The following CDHR5 variants were observed in gnomAD, a reference collection of about 807,000 sequenced individuals.
CDHR5 encodes the protein cadherin related family member 5.
A neutral mutation model predicts 69.5 loss-of-function variants in CDHR5; 82 were observed. That is an observed-to-expected ratio of 1.18 (90% CI 0.99 to 1.42). The LOEUF is 1.42. Ranked by LOEUF, CDHR5 falls within the 40% of genes most tolerant of loss-of-function variation. The pLI is 0.00. For synonymous variants in CDHR5, 601 were observed against 510.2 expected, an observed-to-expected ratio of 1.18 and a Z score of -2.40; for missense variants, 1,293 against 1,168.9, an observed-to-expected ratio of 1.11 and a Z score of -1.55.
intron 7 of CDHR5, 101 bp downstream of exon 7, chr11:620,979 C>A: frequency 1.3e-6 from 1 of 792,076 alleles, no homozygotes; most frequent in Non-Finnish European, 1.9e-6. Flanking sequence ...GGCCCCACCC[C>A]CTGACCCCGA....
chr11:617,867 C>T (rs1857059189), intron 14 of CDHR5, 87 bp downstream of exon 14: 6 of 1,519,562 alleles, frequency 3.9e-6, no homozygotes, highest in East Asian at 2.3e-5. Flanking sequence ...TCCGTCTCCA[C>T]ATCTGTCCCT....
intron 13 of CDHR5, 74 bp downstream of exon 13, chr11:618,525 G>T: frequency 6.4e-7 from 1 of 1,551,132 alleles, no homozygotes; most frequent in Non-Finnish European, 8.8e-7. Flanking sequence ...GCCTGGGGTG[G>T]ACCCTTCCTA....
chr11:617,881 C>A, intron 14 of CDHR5, 73 bp downstream of exon 14: 3 of 1,539,698 alleles, frequency 1.9e-6, no homozygotes, highest in Non-Finnish European at 2.6e-6. Flanking sequence ...TGTCCCTCTG[C>A]CCTCCCCTCT....
In CDHR5 at chr11:619,814, C is replaced by CCGGCCG; in HGVS notation, c.1040_1045dup (p.Ala347_Ala348dup). 6.3e-7 allele frequency: 1 copy of CCGGCCG among 1,582,074 alleles called. No individual in the cohort carries two copies. The highest frequency in any genetic ancestry group is 8.6e-7 in the Non-Finnish European group (1 of 1,167,800). ...TCTCTGGGGGAAGCGGGGCGGGCTCCCGGCCGCAGCCACAGCCTCCACGGT... is the reference window on the plus strand; with the variant it reads ...TCTCTGGGGGAAGCGGGGCGGGCTCCCGGCCGCGGCCGCAGCCACAGCCTCCACGGT... On this transcript the variant is annotated inframe_insertion, in exon 10 of 15. Coordinates refer to ENST00000397542, the MANE Select transcript of CDHR5 (RefSeq NM_021924.5).
intron 14 of CDHR5, 64 bp from the exon 15 acceptor site, chr11:617,834 C>G (rs1210382116): frequency 5.4e-6 from 8 of 1,474,958 alleles, no homozygotes; most frequent in Non-Finnish European, 7.2e-6. Context: ...CCCTGCACAC[C>G]CTCATTCCAC....
chr11:619,682 G>T lies in CDHR5; in HGVS notation c.1178C>A (p.Ser393Ter), dbSNP rs548971527. The change falls in exon 10 of 15, where the codon TCG becomes TAG. Residue 393 changes from serine to a stop codon, truncating the protein, a stop_gained and splice_region_variant. Coordinates refer to ENST00000397542, the MANE Select transcript of CDHR5 (RefSeq NM_021924.5). LOFTEE classifies it high-confidence loss of function. ...LRIQAQDPEFSDLNSAITYRI... is the reference protein window; with the variant it reads ...LRIQAQDPEF ...GGAGGCCTTGGATGCACTCTCTACC[G>T]AGAACTCCGGGTCCTGAGCCTGGAT... 15 of 1,613,134 alleles carry T rather than the reference G, an allele frequency of 9.3e-6. No homozygotes were observed. Among genetic ancestry groups the T allele is most frequent in the Non-Finnish European group, 1.3e-5 (15 of 1,179,904 alleles).
chr11:617,372 A>C lies in CDHR5; in HGVS notation c.2517T>G (p.Gly839=). The C allele has an allele frequency of 1.2e-6, 2 of 1,608,208 alleles. No individual in the cohort carries two copies. The highest frequency in any genetic ancestry group is 1.7e-4 in the Middle Eastern group (1 of 6,016). The part of the protein sequence containing the change: ...GRGGGPYDAP[G]GDDSYI ...CCACTTAGATGTAGGAGTCATCACC[A>C]CCGGGCGCATCGTAGGGACCCCCAC... is the stretch of plus-strand genomic sequence containing the variant. Residue 839 remains glycine (G), a synonymous_variant, in exon 15 of 15, where the codon GGT becomes GGG. Transcript: ENST00000397542.
rs1857610533 is a variant in CDHR5 at position 624,587 on chromosome 11, C to T, written c.231G>A (p.Gln77=). Residue 77 remains glutamine, a synonymous_variant, in exon 2 of 15, where the codon CAG becomes CAA. Transcript: ENST00000397542. This position sits in a 1 kb window ranked among gnomAD's most constrained non-coding sequence, Gnocchi z 5.3. Reference sequence around the variant, plus strand: ...AATCAGGAGTCACGTTGAGAAACAGCTGGTTTCCCTGGATCCGAAATGCAA... The same window carrying T: ...AATCAGGAGTCACGTTGAGAAACAGTTGGTTTCCCTGGATCCGAAATGCAA... The part of the protein sequence containing the change: ...TPFAFRIQGN[Q]LFLNVTPDYE... 2.5e-6 allele frequency: 4 copies of T among 1,608,838 alleles called. 1 individual carries two copies. The South Asian group carries it at 4.4e-5, about 18-fold the overall frequency.
Position 617,391 on chromosome 11 carries a change from C to G in CDHR5, c.2498G>C (p.Gly833Ala). Residue 833 changes from glycine (G) to alanine (A), a missense_variant, in exon 15 of 15, where the codon GGT (glycine) becomes GCT (alanine). Physicochemically the swap from Gly to Ala is moderately conservative, Grantham distance 60. Transcript: ENST00000397542. ...ATCACCACCGGGCGCATCGTAGGGA[C>G]CCCCACCCCTCCCCGCGCCCTCGCC... ...DEGEGAGRGG[G>A]PYDAPGGDDS... is the part of the protein sequence containing the mutation. 6.2e-7 allele frequency: 1 copy of G among 1,610,334 alleles called. No individual in the cohort carries two copies. The highest frequency in any genetic ancestry group is 1.1e-5 in the South Asian group (1 of 90,938).
At position 617,938 on chromosome 11, in the gene CDHR5, C is replaced by G. The variant is rs1290224437; in HGVS notation, c.2118+16G>C. 1.9e-6 allele frequency: 3 copies of G among 1,608,366 alleles called. No homozygotes were observed. ...CCTGCCTGGTCGCCTGCCCTGTTCT[C>G]CATCCTGGGCCTCACCGGAGCTTTG... On this transcript the variant is annotated intron_variant, in intron 14 of 14. Transcript: ENST00000397542.
Position 619,800 on chromosome 11 carries a change from A to G in CDHR5, c.1060T>C (p.Phe354Leu), listed in dbSNP as rs770626719. Residue 354 changes from phenylalanine (F) to leucine (L), a missense_variant, in exon 10 of 15, where the codon TTC becomes CTC. By Grantham distance (22) the Phe-to-Leu change is conservative. Coordinates refer to ENST00000397542, the MANE Select transcript of CDHR5 (RefSeq NM_021924.5). ...GTGCCACGATACAGTCTCTGGGGGA[A>G]GCGGGGCGGGCTCCCGGCCGCAGCC... ...AVAAAGSPPR[F>L]PQRLYRGTVA... 3 of 1,601,638 alleles carry G rather than the reference A, an allele frequency of 1.9e-6. No individual in the cohort carries two copies. The highest frequency in any genetic ancestry group is 2.5e-6 in the Non-Finnish European group (3 of 1,176,762).
In CDHR5 at chr11:624,775, G is replaced by A; in HGVS notation, c.85+43C>T. The A allele has an allele frequency of 6.2e-7, 1 of 1,603,888 alleles. No individual in the cohort carries two copies. The highest frequency in any genetic ancestry group is 1.3e-5 in the African/African-American group (1 of 74,688). On this transcript the variant is annotated intron_variant, in intron 1 of 14. Transcript: ENST00000397542. The surrounding 1 kb of genome is among the most constrained non-coding windows in gnomAD (Gnocchi z 5.3). ...AGGGATCAGTGCCTCCCAGCCCCTG[G>A]CTCCCCGCCGCCCGTGCCCCACCTA...
In CDHR5 at chr11:619,859, C is replaced by G. The variant is rs572219976; in HGVS notation, c.1001G>C (p.Arg334Pro). The change falls in exon 10 of 15, where the codon CGC becomes CCC. Residue 334 changes from arginine to proline, a missense_variant. By Grantham distance (103) the Arg-to-Pro change is moderately radical. Coordinates refer to ENST00000397542, the MANE Select transcript of CDHR5 (RefSeq NM_021924.5). ...LVKGQQADLA[R>P]YSVTQVTVEA... ...CACGGTGACCTGGGTCACTGAGTAG[C>G]GGGCAAGGTCGGCCTGTTGGCCCTG... 6.4e-7 allele frequency: 1 copy of G among 1,551,624 alleles called. No homozygotes were observed. Among genetic ancestry groups the G allele is most frequent in the Non-Finnish European group, 8.7e-7 (1 of 1,152,426 alleles).
rs576384420 is a variant in CDHR5 at position 619,526 on chromosome 11, T to G, written c.1241A>C (p.Glu414Ala). The part of the protein sequence containing the change: ...TNHSHFRMEG[E>A]VVLTTTTLAQ... ...CAGTGTGGTGGTGGTCAGCACAACC[T>G]CTCCCTCCATCCGGAAGTGTGAGTG... is the stretch of plus-strand genomic sequence containing the variant. The change falls in exon 11 of 15, where the codon GAG (glutamate) becomes GCG (alanine). Residue 414 changes from glutamate (E) to alanine (A), a missense_variant. Transcript: ENST00000397542. 1.9e-6 allele frequency: 3 copies of G among 1,613,822 alleles called. No individual in the cohort carries two copies. Among genetic ancestry groups the G allele is most frequent in the South Asian group, 1.1e-5 (1 of 91,072 alleles).
In CDHR5 at chr11:619,815, C is replaced by T. The variant is rs374269787; in HGVS notation, c.1045G>A (p.Gly349Arg). The T allele has an allele frequency of 8.5e-5, 134 of 1,581,834 alleles. No individual in the cohort carries two copies. In the South Asian group the frequency reaches 1.1e-3, roughly 13 times the overall value. The change falls in exon 10 of 15, where the codon GGG becomes AGG. Residue 349 changes from glycine to arginine, a missense_variant. Physicochemically the swap from Gly to Arg is moderately radical, Grantham distance 125. Coordinates refer to ENST00000397542, the MANE Select transcript of CDHR5 (RefSeq NM_021924.5). The stretch of plus-strand genomic sequence containing the variant: ...CTCTGGGGGAAGCGGGGCGGGCTCC[C>T]GGCCGCAGCCACAGCCTCCACGGTG... ...QVTVEAVAAA[G>R]SPPRFPQRLY...
In CDHR5 at chr11:624,615, G is replaced by C; in HGVS notation, c.203C>G (p.Pro68Arg). 1 of 1,612,858 alleles carries C rather than the reference G, an allele frequency of 6.2e-7. No individual in the cohort carries two copies. The highest frequency in any genetic ancestry group is 1.1e-5 in the South Asian group (1 of 91,006). ...QEVTLGALSTPFAFRIQGNQL... is the reference protein window; with the variant it reads ...QEVTLGALSTRFAFRIQGNQL... Reference sequence around the variant, plus strand: ...GTTTCCCTGGATCCGAAATGCAAAGGGGGTGGACAAGGCTCCGAGGGTCAC... The same window carrying C: ...GTTTCCCTGGATCCGAAATGCAAAGCGGGTGGACAAGGCTCCGAGGGTCAC... Residue 68 changes from proline to arginine, a missense_variant, in exon 2 of 15, where the codon CCC becomes CGC. By Grantham distance (103) the Pro-to-Arg change is moderately radical (BLOSUM62 -2). Coordinates refer to ENST00000397542, the MANE Select transcript of CDHR5 (RefSeq NM_021924.5). This position sits in a 1 kb window ranked among gnomAD's most constrained non-coding sequence, Gnocchi z 5.3.
In CDHR5 at chr11:621,432, C is replaced by G. The variant is rs764614124; in HGVS notation, c.531G>C (p.Leu177=). ...MTAGASDYFS[L]VSVNRPALRL... ...TCAGGGCGGGACGGTTTACACTCAC[C>G]AGGGAGAAGTAGTCACTGGCACCCT... Residue 177 remains leucine (L), a synonymous_variant, in exon 6 of 15, where the codon CTG becomes CTC. Coordinates refer to ENST00000397542, the MANE Select transcript of CDHR5 (RefSeq NM_021924.5). The surrounding 1 kb of genome is among the most constrained non-coding windows in gnomAD (Gnocchi z 4.4). 19 of 1,612,830 alleles carry G rather than the reference C, an allele frequency of 1.2e-5. No individual in the cohort carries two copies. Among genetic ancestry groups the G allele is most frequent in the Non-Finnish European group, 1.5e-5 (18 of 1,179,946 alleles).
chr11:617,117 C>T lies in CDHR5; in HGVS notation c.*234G>A. ...CACTGCAGGTGGTTTACGGGAAGTGCTGCAGCCTTGGGGTGGGGACAGCGT... is the reference window on the plus strand; with the variant it reads ...CACTGCAGGTGGTTTACGGGAAGTGTTGCAGCCTTGGGGTGGGGACAGCGT... On this transcript the variant is annotated 3_prime_UTR_variant, in exon 15 of 15. Transcript: ENST00000397542. 1.8e-6 allele frequency: 1 copy of T among 555,204 alleles called. No individual in the cohort carries two copies. Among genetic ancestry groups the T allele is most frequent in the Non-Finnish European group, 3.2e-6 (1 of 313,090 alleles). The allele number at this position is 555,204 out of a possible 1,614,324, so 34.4% of individuals were successfully genotyped here.
In CDHR5 at chr11:618,046, C is replaced by A; in HGVS notation, c.2026G>T (p.Gly676Cys). The change falls in exon 14 of 15, where the codon GGT (glycine) becomes TGT (cysteine). Residue 676 changes from glycine to cysteine, a missense_variant. Gly to Cys is a radical substitution (Grantham distance 159). Transcript: ENST00000397542. ...VDMAALGGVL[G>C]ALLLLALLGL... The stretch of plus-strand genomic sequence containing the variant: ...AGGAGAGCCAGCAGCAGCAGCGCAC[C>A]CAGCACCCCGCCCAGGGCCGCCATA... 6.2e-7 allele frequency: 1 copy of A among 1,612,372 alleles called. No individual in the cohort carries two copies. The highest frequency in any genetic ancestry group is 1.1e-5 in the South Asian group (1 of 91,024).
Sources: gnomAD v4.1 joint callset for allele counts on GRCh38, gnomAD v4.1.1 for gene constraint, Gnocchi (gnomAD v3.1) non-coding constraint, MANE v1.5 for transcripts, NCBI Gene and HGNC (gene_info 2026-07-23, HGNC 2026-07-21) for gene names.